Variants in TTC7A observed in about 807,000 individuals in gnomAD.
TTC7A encodes tetratricopeptide repeat domain 7A.
A neutral mutation model predicts 103.7 loss-of-function variants in TTC7A; 110 were observed. The observed-to-expected ratio is 1.06, with a 90% CI of 0.91 to 1.24. TTC7A has a LOEUF of 1.24. Ranked by LOEUF, TTC7A falls within the 50% of genes most tolerant of loss-of-function variation. The probability of loss-of-function intolerance (pLI) is 0.00; values close to 1 mark genes in which losing one functional copy is unlikely to be tolerated. For synonymous variants in TTC7A, 521 were observed against 467.9 expected (o/e 1.11, Z -1.47); for missense variants, 1,340 against 1,116.3 (o/e 1.20, Z -2.86).
chr2:46,922,502 C>T (rs1200826124), intron 2 of TTC7A, among the ~76,000 whole-genome samples: 6 of 151,884 alleles, frequency 4.0e-5, no homozygotes, highest in African/African-American at 1.2e-4. Context: ...GACCTGAGTG[C>T]GGGCAGAGTG....
At position 46,948,087 on chromosome 2, in the gene TTC7A, G is replaced by T. The variant is rs185977445; in HGVS notation, c.185-2276G>T. Among the ~76,000 whole-genome samples, 164 of 152,336 alleles carry T rather than the reference G, an allele frequency of 1.1e-3. 2 individuals are homozygous for T. The highest frequency in any genetic ancestry group is 3.8e-3 in the African/African-American group (157 of 41,576). ...GGTGGATGGCAGAGTGCACGGGATGGCCACTGATGGTGCCGTATCTGGTGG... is the reference window on the plus strand; with the variant it reads ...GGTGGATGGCAGAGTGCACGGGATGTCCACTGATGGTGCCGTATCTGGTGG... On this transcript the variant is annotated intron_variant, in intron 1 of 19. Coordinates refer to ENST00000319190, the MANE Select transcript of TTC7A (RefSeq NM_020458.4).
chr2:46,961,171 A>C (rs1672336891), intron 3 of TTC7A, among the ~76,000 whole-genome samples: 1 of 152,194 alleles, frequency 6.6e-6, no homozygotes, highest in South Asian at 2.1e-4. Context: ...TGGAAAGGAA[A>C]TGTTCCCAGC....
At chr2:46,920,128 A>T (rs1466705655) in intron 2 of TTC7A, among the ~76,000 whole-genome samples, 1 of 152,140 alleles carries the variant, frequency 6.6e-6, no homozygotes, top group Non-Finnish European at 1.5e-5. Flanking sequence ...TCCTAATGAA[A>T]AGTCTGACTG....
intron 18 of TTC7A, among the ~76,000 whole-genome samples, chr2:47,059,977 C>T (rs1367723222): frequency 2.0e-5 from 3 of 151,964 alleles, no homozygotes; most frequent in African/African-American, 7.3e-5. Flanking sequence ...GGCAACATGG[C>T]GAAACCCCAT....
At chr2:46,975,205 A>G in intron 4 of TTC7A, 102 bp downstream of exon 4, 2 of 1,477,168 alleles carry the variant, frequency 1.4e-6, no homozygotes, top group Non-Finnish European at 1.9e-6. Context: ...AATTAGAAGA[A>G]GTCACCTTCT....
Position 47,060,805 on chromosome 2 carries a change from C to A in TTC7A, c.2189C>A (p.Ala730Glu). ...LFMEQQHLKE[A>E]GFCIQEAAGL... ...ATGGAGCAGCAGCACCTCAAGGAAG[C>A]AGGTTTCTGCATCCAGGAGGCGGCG... Residue 730 changes from alanine (A) to glutamate (E), a missense_variant, in exon 19 of 20, where the codon GCA becomes GAA. Coordinates refer to ENST00000319190, the MANE Select transcript of TTC7A (RefSeq NM_020458.4). 6.2e-7 allele frequency: 1 copy of A among 1,612,798 alleles called. No individual in the cohort carries two copies. The highest frequency in any genetic ancestry group is 8.5e-7 in the Non-Finnish European group (1 of 1,178,994).
At chr2:46,996,344 T>TA (rs1416433910) in intron 8 of TTC7A, among the ~76,000 whole-genome samples, 1 of 152,046 alleles carries the variant, frequency 6.6e-6, no homozygotes, top group Non-Finnish European at 1.5e-5. Context: ...AATAGGTTTT[T>TA]AAAAAAACGA....
rs569774230 is a variant in TTC7A at position 47,012,577 on chromosome 2, A to T, written c.1392+1142A>T. 1.2e-3 allele frequency among the ~76,000 whole-genome samples: 187 copies of T among 151,876 alleles called. 1 individual carries two copies. Among genetic ancestry groups the T allele is most frequent in the African/African-American group, 3.5e-3 (144 of 41,392 alleles). On this transcript the variant is annotated intron_variant, in intron 11 of 19. Coordinates refer to ENST00000319190, the MANE Select transcript of TTC7A (RefSeq NM_020458.4). ...AGCTTCATAATTAGCAGCCTTTACAACTCTTCTTGCCACTTTCCCTCCTGT... is the reference window on the plus strand; with the variant it reads ...AGCTTCATAATTAGCAGCCTTTACATCTCTTCTTGCCACTTTCCCTCCTGT...
At chr2:47,025,060 C>T (rs1350865109) in intron 14 of TTC7A, among the ~76,000 whole-genome samples, 1 of 152,240 alleles carries the variant, frequency 6.6e-6, no homozygotes, top group East Asian at 1.9e-4. Context: ...CTGCCGATGC[C>T]CCCACCTGAC....
At chr2:46,988,113 G>A (rs548339743) in intron 5 of TTC7A, among the ~76,000 whole-genome samples, 15 of 152,202 alleles carry the variant, frequency 9.9e-5, no homozygotes, top group Non-Finnish European at 1.8e-4. Context: ...GGGGCAGAGG[G>A]TAACCTCTGA....
chr2:47,071,174 T>G (rs534783359), intron 19 of TTC7A: 29 of 152,426 alleles, frequency 1.9e-4, no homozygotes, highest in African/African-American at 6.7e-4. Context: ...TGCCCAGTTG[T>G]CAGGCAGCAA....
chr2:46,979,078 C>T (rs1037556690), intron 5 of TTC7A, among the ~76,000 whole-genome samples, 171 bp downstream of exon 5: 6 of 152,060 alleles, frequency 3.9e-5, no homozygotes, highest in African/African-American at 1.2e-4. Flanking sequence ...TGTGCAGAGA[C>T]GTTCTTAGTG....
intron 3 of TTC7A, among the ~76,000 whole-genome samples, chr2:46,972,816 G>A (rs998149928): frequency 1.3e-5 from 2 of 152,330 alleles, no homozygotes; most frequent in African/African-American, 2.4e-5. Flanking sequence ...TTCTAGGGTT[G>A]TGGTTGTCCA....
At chr2:46,948,409 C>T (rs1382620447) in intron 1 of TTC7A, among the ~76,000 whole-genome samples, 2 of 152,198 alleles carry the variant, frequency 1.3e-5, no homozygotes, top group Non-Finnish European at 2.9e-5. Context: ...AACTTATAGT[C>T]TGCCAGCAAT....
intron 5 of TTC7A, among the ~76,000 whole-genome samples, chr2:46,982,943 G>A (rs992905303): frequency 9.9e-5 from 15 of 151,316 alleles, no homozygotes; most frequent in African/African-American, 3.7e-4. Context: ...CTCCAGCCTG[G>A]GCCAACAGAG....
chr2:46,924,854 T>C (rs1040637173), intron 2 of TTC7A, among the ~76,000 whole-genome samples: 1 of 152,258 alleles, frequency 6.6e-6, no homozygotes, highest in African/African-American at 2.4e-5. Context: ...ACTCGAGCTC[T>C]GGGCTCAAGC....
chr2:47,012,590 C>G (rs901893850), intron 11 of TTC7A, among the ~76,000 whole-genome samples: 2 of 152,238 alleles, frequency 1.3e-5, no homozygotes, highest in Non-Finnish European at 2.9e-5. Context: ...CTTCTTGCCA[C>G]TTTCCCTCCT....
chr2:47,026,381 C>T (rs1268919173), intron 14 of TTC7A, among the ~76,000 whole-genome samples: 1 of 152,208 alleles, frequency 6.6e-6, no homozygotes, highest in Admixed American at 6.5e-5. Flanking sequence ...GCTCCTTGAC[C>T]TATCCACAAA....
intron 19 of TTC7A, among the ~76,000 whole-genome samples, chr2:47,067,460 C>T (rs562088673): frequency 1.3e-5 from 2 of 152,308 alleles, no homozygotes; most frequent in African/African-American, 4.8e-5. Flanking sequence ...CCTTGTGATG[C>T]CAGCAGGGTG....
Sources: gnomAD v4.1 joint callset for allele counts (sites outside exome capture counted in the v4.1 genomes callset) on GRCh38, gnomAD v4.1.1 for gene constraint, MANE v1.5 for transcripts, NCBI Gene and HGNC (gene_info 2026-07-23, HGNC 2026-07-21) for gene names.